The following EDNRB variants were observed in gnomAD, a reference collection of about 807,000 sequenced individuals.
EDNRB encodes the protein Hirschsprung disease 2.
Under a neutral mutation model 46.4 loss-of-function variants are expected in EDNRB, and 18 were observed. The ratio of observed to expected loss-of-function variants is 0.39; its 90% CI spans 0.27 to 0.57. The LOEUF (loss-of-function observed/expected upper bound fraction) is 0.57. Ranked by LOEUF, EDNRB falls within the 20% of genes least tolerant of loss-of-function variation. The probability of loss-of-function intolerance (pLI) is 0.61; values close to 1 mark genes in which losing one functional copy is unlikely to be tolerated. For missense variants in EDNRB, 434 were observed against 537.5 expected (o/e 0.81, Z 1.90); for synonymous variants, 213 against 204.9 (o/e 1.04, Z -0.34).
At chr13:77,960,133 A>T (rs1881361911) in intron 1 of EDNRB, among the ~76,000 whole-genome samples, 1 of 152,198 alleles carries the variant, frequency 6.6e-6, no homozygotes, top group Non-Finnish European at 1.5e-5. Context: ...TATCCAGGAG[A>T]ACTTCCCCAA....
chr13:77,954,480 A>ATTTG (rs1881177347), intron 1 of EDNRB, among the ~76,000 whole-genome samples: 1 of 34,516 alleles, frequency 2.9e-5, no homozygotes, highest in African/African-American at 2.2e-4. Flanking sequence ...TTAAGAAAGT[A>ATTTG]TTTATTTATT....
At chr13:77,909,944 G>A (rs569285930) in intron 1 of EDNRB, among the ~76,000 whole-genome samples, 58 of 151,884 alleles carry the variant, frequency 3.8e-4, no homozygotes, top group Non-Finnish European at 7.1e-4. Flanking sequence ...CTGGACTCTT[G>A]TTGGAGTTCT....
upstream of EDNRB, among the ~76,000 whole-genome samples, chr13:77,923,235 A>G (rs577992403): frequency 2.4e-4 from 37 of 152,340 alleles, no homozygotes; most frequent in Non-Finnish European, 4.7e-4. Context: ...ACTTTAATTA[A>G]AATTAGACAA....
At chr13:77,945,826 G>T (rs557411547) in intron 1 of EDNRB, among the ~76,000 whole-genome samples, 1 of 138,530 alleles carries the variant, frequency 7.2e-6, no homozygotes, top group Admixed American at 7.8e-5. Context: ...CCTATTATCT[G>T]ATACATTATA....
intron 1 of EDNRB, among the ~76,000 whole-genome samples, chr13:77,930,133 C>T (rs551683866): frequency 2.0e-5 from 3 of 151,950 alleles, no homozygotes; most frequent in Non-Finnish European, 4.4e-5. Flanking sequence ...ATCAACTATA[C>T]GAGGAGCAGG....
At position 77,918,348 on chromosome 13, in the gene EDNRB, T is replaced by C. The variant is rs201207916; in HGVS notation, c.226A>G (p.Arg76Gly). 1.9e-6 allele frequency: 3 copies of C among 1,613,804 alleles called. No individual in the cohort carries two copies. In the South Asian group the frequency reaches 3.3e-5, roughly 18 times the overall value. Residue 76 changes from arginine to glycine, a missense_variant, in exon 1 of 7, where the codon AGG becomes GGG. Transcript: ENST00000646607. This position sits in a 1 kb window ranked among gnomAD's most constrained non-coding sequence, Gnocchi z 4.5. The part of the protein sequence containing the change: ...LAPAEVPKGD[R>G]TAGSPPRTIS... ...GTGCGTGGCGGAGATCCTGCCGTCC[T>C]GTCTCCTTTAGGCACCTCCGCAGGT...
chr13:77,935,551 A>G (rs1880536331), intron 1 of EDNRB, among the ~76,000 whole-genome samples: 1 of 152,092 alleles, frequency 6.6e-6, no homozygotes, highest in Non-Finnish European at 1.5e-5. Flanking sequence ...GTTGTTTTGT[A>G]GAAGGTGTTG....
intron 1 of EDNRB, among the ~76,000 whole-genome samples, chr13:77,907,047 G>A (rs1879317682): frequency 6.6e-6 from 1 of 151,954 alleles, no homozygotes. Flanking sequence ...CTATAGCTAT[G>A]TGTCAAATAA....
At chr13:77,901,413 T>G (rs1255410846) in intron 3 of EDNRB, among the ~76,000 whole-genome samples, 1 of 152,054 alleles carries the variant, frequency 6.6e-6, no homozygotes, top group Non-Finnish European at 1.5e-5. Flanking sequence ...CAAAAATATT[T>G]CAGTTCTCTA....
chr13:77,914,143 T>A (rs560011127), intron 1 of EDNRB, among the ~76,000 whole-genome samples: 17 of 152,220 alleles, frequency 1.1e-4, no homozygotes, highest in Non-Finnish European at 1.8e-4. Context: ...AAAATTACAA[T>A]GCACACACAT....
intron 1 of EDNRB, among the ~76,000 whole-genome samples, chr13:77,946,345 G>GC (rs1880915533): frequency 6.6e-6 from 1 of 152,182 alleles, no homozygotes; most frequent in African/African-American, 2.4e-5. Context: ...AGGAGATACG[G>GC]AAGGAATGGA....
chr13:77,966,187 C>A (rs985814455), intron 1 of EDNRB, among the ~76,000 whole-genome samples: 2 of 152,072 alleles, frequency 1.3e-5, no homozygotes, highest in Non-Finnish European at 2.9e-5. Context: ...CAGCACCCAG[C>A]CCCAGTTAGA....
intron 1 of EDNRB, among the ~76,000 whole-genome samples, chr13:77,936,460 G>C (rs1880567343): frequency 6.6e-6 from 1 of 152,158 alleles, no homozygotes; most frequent in Non-Finnish European, 1.5e-5. Context: ...TTGAAAAGAA[G>C]GTAATGTGGA....
rs199828501 is a variant in EDNRB at position 77,918,214 on chromosome 13, G to A, written c.360C>T (p.Ser120=). Residue 120 remains serine (S), a synonymous_variant, in exon 1 of 7, where the codon TCC becomes TCT. Transcript: ENST00000646607. This position sits in a 1 kb window ranked among gnomAD's most constrained non-coding sequence, Gnocchi z 4.5. ...LVFVLGIIGN[S]TLLRIIYKNK... ...TCTTGTAGATAATTCTCAGAAGTGT[G>A]GAGTTCCCGATGATCCCCAGCACGA... 12 of 1,614,126 alleles carry A rather than the reference G, an allele frequency of 7.4e-6. No homozygotes were observed. The highest frequency in any genetic ancestry group is 2.2e-5 in the South Asian group (2 of 91,074).
chr13:77,936,562 C>T (rs1450667526), intron 1 of EDNRB, among the ~76,000 whole-genome samples: 6 of 152,122 alleles, frequency 3.9e-5, no homozygotes, highest in East Asian at 1.9e-4. Context: ...TGTAGGCTTC[C>T]GAGGCAATCA....
intron 1 of EDNRB, among the ~76,000 whole-genome samples, chr13:77,905,250 A>G (rs2147555): frequency 6.6e-6 from 1 of 151,790 alleles, no homozygotes; most frequent in South Asian, 2.1e-4. Flanking sequence ...TAGACATCAC[A>G]TACTTTTTGC....
upstream of EDNRB, among the ~76,000 whole-genome samples, chr13:77,922,725 A>G (rs1880121130): frequency 6.6e-6 from 1 of 152,206 alleles, no homozygotes; most frequent in South Asian, 2.1e-4. Flanking sequence ...CATGATAAAG[A>G]ATCTTTTTTA....
intron 1 of EDNRB, among the ~76,000 whole-genome samples, chr13:77,913,092 A>G (rs960256129): frequency 2.0e-5 from 3 of 152,154 alleles, no homozygotes; most frequent in Admixed American, 6.5e-5. Flanking sequence ...TAAGTACCAG[A>G]AGTAGTCTAA....
chr13:77,965,592 G>A (rs1050596938), intron 1 of EDNRB, among the ~76,000 whole-genome samples: 1 of 152,154 alleles, frequency 6.6e-6, no homozygotes, highest in Admixed American at 6.6e-5. Flanking sequence ...AGAAACTTAA[G>A]TAACAATCAG....
Sources: allele counts gnomAD v4.1 joint callset (sites outside exome capture counted in the v4.1 genomes callset), GRCh38; gene constraint gnomAD v4.1.1; non-coding constraint Gnocchi (gnomAD v3.1); transcripts MANE v1.5; gene names NCBI Gene and HGNC (gene_info 2026-07-23, HGNC 2026-07-21).